The following THSD7B variants were observed in gnomAD, a reference collection of about 807,000 sequenced individuals.
THSD7B encodes the protein thrombospondin type 1 domain containing 7B.
Under a neutral mutation model 213.6 loss-of-function variants are expected in THSD7B, and 138 were observed. That is an observed-to-expected ratio of 0.65 (90% confidence interval 0.56 to 0.74). THSD7B has a LOEUF of 0.74. THSD7B is among the 30% of genes least tolerant of loss of function. The pLI is 0.00. For missense variants in THSD7B, 1,931 were observed against 1,991.5 expected, an observed-to-expected ratio of 0.97 and a Z score of 0.58; for synonymous variants, 742 against 687.0, an observed-to-expected ratio of 1.08 and a Z score of -1.25.
chr2:136,841,508 A>G (rs1309813393), intron 1 of THSD7B, among the ~76,000 whole-genome samples: 3 of 145,004 alleles, frequency 2.1e-5, no homozygotes, highest in Non-Finnish European at 4.5e-5. Flanking sequence ...GAGGCAGGAG[A>G]GTCACTTGAA....
intron 12 of THSD7B, among the ~76,000 whole-genome samples, chr2:137,354,891 A>G (rs958920694): frequency 6.6e-6 from 1 of 151,682 alleles, no homozygotes; most frequent in African/African-American, 2.4e-5. Context: ...ATGCATTTTC[A>G]TTTTATCTAA....
chr2:136,801,801 G>T (rs1461855466), intron 1 of THSD7B, among the ~76,000 whole-genome samples: 1 of 152,120 alleles, frequency 6.6e-6, no homozygotes. Context: ...TAAAACGAAG[G>T]CAGTAATTTT....
chr2:137,132,741 G>A (rs74821559), intron 5 of THSD7B, among the ~76,000 whole-genome samples: 1 of 152,302 alleles, frequency 6.6e-6, no homozygotes, highest in African/African-American at 2.4e-5. Flanking sequence ...GAGTTCTAGA[G>A]TGCGGTTTCA....
chr2:137,636,269 C>T (rs1186425592), intron 20 of THSD7B, among the ~76,000 whole-genome samples: 2 of 152,046 alleles, frequency 1.3e-5, no homozygotes, highest in African/African-American at 4.8e-5. Flanking sequence ...GTAAATTAAA[C>T]GTGTGTCCAC....
At chr2:137,520,210 T>A (rs1415740949) in intron 15 of THSD7B, among the ~76,000 whole-genome samples, 1 of 152,212 alleles carries the variant, frequency 6.6e-6, no homozygotes, top group Non-Finnish European at 1.5e-5. Flanking sequence ...TGGGCTTCCC[T>A]TCTACAGAGG....
intron 1 of THSD7B, among the ~76,000 whole-genome samples, chr2:136,862,557 C>T (rs560044695): frequency 8.5e-5 from 13 of 152,090 alleles, no homozygotes; most frequent in East Asian, 5.8e-4. Context: ...AGCTCGCAGT[C>T]GAATGGGTGA....
intron 4 of THSD7B, among the ~76,000 whole-genome samples, chr2:137,104,928 C>T (rs1354955314): frequency 6.6e-6 from 1 of 152,138 alleles, no homozygotes; most frequent in Non-Finnish European, 1.5e-5. Flanking sequence ...AGCCTACCAA[C>T]CAAAAAAATT....
chr2:137,546,445 T>TATAA (rs1680731568), intron 15 of THSD7B, among the ~76,000 whole-genome samples: 1 of 20,408 alleles, frequency 4.9e-5, no homozygotes, highest in African/African-American at 3.3e-4. Flanking sequence ...TTATATATAT[T>TATAA]ATATATATAT....
At chr2:136,968,736 A>G (rs1685359541) in intron 2 of THSD7B, among the ~76,000 whole-genome samples, 1 of 152,086 alleles carries the variant, frequency 6.6e-6, no homozygotes, top group Non-Finnish European at 1.5e-5. Context: ...TTAATATTTA[A>G]GTCTTCAGTC....
In THSD7B at chr2:137,572,531, G is replaced by A; in HGVS notation, c.3398G>A (p.Trp1133Ter). 3 of 1,613,790 alleles carry A rather than the reference G, an allele frequency of 1.9e-6. No individual in the cohort carries two copies. The highest frequency in any genetic ancestry group is 2.5e-6 in the Non-Finnish European group (3 of 1,179,812). The stretch of plus-strand genomic sequence containing the variant: ...CCCAATGAGTGTGTCATGTCTGAGT[G>A]GGGACTTTGGAGCAAATGCCCACAG... The part of the protein sequence containing the change: ...MCPNECVMSE[W>*]GLWSKCPQSC... Residue 1133 changes from tryptophan to a stop codon, truncating the protein, a stop_gained, in exon 17 of 28, where the codon TGG becomes TAG. Coordinates refer to ENST00000409968, the MANE Select transcript of THSD7B (RefSeq NM_001316349.2). LOFTEE classifies it high-confidence loss of function.
chr2:137,278,038 C>A (rs528458576), intron 12 of THSD7B, among the ~76,000 whole-genome samples: 1 of 151,754 alleles, frequency 6.6e-6, no homozygotes, highest in Non-Finnish European at 1.5e-5. Context: ...GGTGGAGATG[C>A]GGGGCTAGAC....
At chr2:136,851,726 T>C (rs1200868965) in intron 1 of THSD7B, among the ~76,000 whole-genome samples, 1 of 152,020 alleles carries the variant, frequency 6.6e-6, no homozygotes, top group Non-Finnish European at 1.5e-5. Flanking sequence ...ATACTTGAAG[T>C]CTCTTAAGGC....
intron 7 of THSD7B, among the ~76,000 whole-genome samples, chr2:137,196,382 T>A (rs971049080): frequency 7.9e-5 from 2 of 25,198 alleles, no homozygotes; most frequent in Non-Finnish European, 2.1e-4. Context: ...TGCTGTTTTT[T>A]TTTTTTTTTT....
At chr2:137,420,503 A>T (rs1490471566) in intron 14 of THSD7B, among the ~76,000 whole-genome samples, 1 of 152,130 alleles carries the variant, frequency 6.6e-6, no homozygotes, top group East Asian at 1.9e-4. Context: ...AATGTTTGTT[A>T]GCAAGATATA....
At chr2:137,035,291 C>T (rs1181841120) in intron 2 of THSD7B, among the ~76,000 whole-genome samples, 3 of 152,204 alleles carry the variant, frequency 2.0e-5, no homozygotes, top group Non-Finnish European at 2.9e-5. Context: ...AATTGACCTA[C>T]ATCTGTTAGG....
intron 12 of THSD7B, among the ~76,000 whole-genome samples, chr2:137,385,864 A>G (rs1305901632): frequency 2.0e-5 from 3 of 152,192 alleles, no homozygotes; most frequent in African/African-American, 7.2e-5. Flanking sequence ...CAGAAATAGA[A>G]CTAATTTATT....
At chr2:137,190,258 A>T (rs1334117585) in intron 7 of THSD7B, among the ~76,000 whole-genome samples, 1 of 152,174 alleles carries the variant, frequency 6.6e-6, no homozygotes, top group East Asian at 1.9e-4. Flanking sequence ...GAGACAATGT[A>T]TATGCCATGT....
At chr2:137,266,005 T>TC (rs1214650885) in intron 10 of THSD7B, among the ~76,000 whole-genome samples, 6 of 152,218 alleles carry the variant, frequency 3.9e-5, no homozygotes, top group Non-Finnish European at 2.9e-5. Context: ...TTTAAGCCAT[T>TC]CATTGTCTGC....
intron 2 of THSD7B, among the ~76,000 whole-genome samples, chr2:137,055,097 T>G: frequency 6.6e-6 from 1 of 152,168 alleles, no homozygotes; most frequent in East Asian, 1.9e-4. Context: ...CACGTCCCTG[T>G]GAAGGACATG....
Sources: gnomAD v4.1 joint callset for allele counts (sites outside exome capture counted in the v4.1 genomes callset) on GRCh38, gnomAD v4.1.1 for gene constraint, MANE v1.5 for transcripts, NCBI Gene and HGNC (gene_info 2026-07-23, HGNC 2026-07-21) for gene names.